The following DNAI4 variants were observed in gnomAD, a reference collection of about 807,000 sequenced individuals.
The protein encoded by DNAI4 is dynein axonemal intermediate chain 4.
A neutral mutation model predicts 105.8 loss-of-function variants in DNAI4; 85 were observed. The observed-to-expected ratio is 0.80, with a 90% CI of 0.67 to 0.96. The LOEUF (loss-of-function observed/expected upper bound fraction) is 0.96. Among genes scored for constraint, DNAI4 ranks in the 40% least tolerant of loss-of-function variants. DNAI4 has a pLI of 0.00. For missense variants in DNAI4, 1,014 were observed against 1,005.6 expected (o/e 1.01, Z -0.11); for synonymous variants, 352 against 331.5 (o/e 1.06, Z -0.67).
chr1:66,885,314 T>C (rs748833339), intron 4 of DNAI4, among the ~76,000 whole-genome samples: 13 of 152,236 alleles, frequency 8.5e-5, no homozygotes, highest in Non-Finnish European at 1.8e-4. Flanking sequence ...TTCTGACCCA[T>C]GTCATTTTTC....
chr1:66,821,702 G>C (rs899364084), intron 16 of DNAI4, among the ~76,000 whole-genome samples: 9 of 151,228 alleles, frequency 6.0e-5, no homozygotes, highest in Non-Finnish European at 1.0e-4. Flanking sequence ...TTAAGTCTTG[G>C]TGTTTTTTCA....
rs1553231245 is a variant in DNAI4 at position 66,909,324 on chromosome 1, T to TCACACA, written c.171-3950_171-3949insTGTGTG. ...CACACACACACACACACACACACAG[T>TCACACA]CTCTCTTGAATAGAGTCTGATCAGG... On this transcript the variant is annotated intron_variant, in intron 1 of 16. Coordinates refer to ENST00000371026, the MANE Select transcript of DNAI4 (RefSeq NM_024763.5). Among the ~76,000 whole-genome samples, 21 of 33,960 alleles carry TCACACA rather than the reference T, an allele frequency of 6.2e-4. No homozygotes were observed. In the East Asian group the frequency reaches 0.022, roughly 35 times the overall value. 22.3% of individuals were successfully genotyped at this position (33,960 alleles called of 152,430 possible).
chr1:66,836,035 A>G (rs1645979357), intron 10 of DNAI4, among the ~76,000 whole-genome samples: 1 of 151,530 alleles, frequency 6.6e-6, no homozygotes, highest in African/African-American at 2.4e-5. Context: ...TCACTCCTGG[A>G]ATCCTAGCTA....
chr1:66,866,554 C>T (rs1490020427), intron 6 of DNAI4, among the ~76,000 whole-genome samples: 2 of 152,122 alleles, frequency 1.3e-5, no homozygotes, highest in Admixed American at 6.5e-5. Flanking sequence ...CTACTATCAC[C>T]TCACTCCTAT....
At chr1:66,869,371 A>G (rs891881712) in intron 6 of DNAI4, among the ~76,000 whole-genome samples, 2 of 151,966 alleles carry the variant, frequency 1.3e-5, no homozygotes, top group African/African-American at 4.8e-5. Context: ...ATTTTCAAAT[A>G]TTTTAGCATA....
intron 2 of DNAI4, chr1:66,904,854 A>C (rs1157817235): frequency 1.6e-5 from 4 of 243,748 alleles, no homozygotes; most frequent in Non-Finnish European, 2.3e-5. Context: ...GTAAGGCAAA[A>C]TAACTGACTT....
At chr1:66,913,515 G>C (rs1264423889) in intron 1 of DNAI4, among the ~76,000 whole-genome samples, 1 of 152,124 alleles carries the variant, frequency 6.6e-6, no homozygotes, top group African/African-American at 2.4e-5. Flanking sequence ...GGTGCCCCTG[G>C]GTACCCTGGG....
chr1:66,880,032 T>G (rs902225503), intron 4 of DNAI4, among the ~76,000 whole-genome samples: 26 of 151,610 alleles, frequency 1.7e-4, no homozygotes, highest in Non-Finnish European at 7.3e-5. Flanking sequence ...TCACAAGGTC[T>G]GATGGTTTTA....
rs1646972287 is a variant in DNAI4 at position 66,876,997 on chromosome 1, G to C, written c.644-2060C>G. 5.3e-5 allele frequency among the ~76,000 whole-genome samples: 8 copies of C among 152,040 alleles called. No homozygotes were observed. In the South Asian group the frequency reaches 1.7e-3, roughly 32 times the overall value. On this transcript the variant is annotated intron_variant, in intron 4 of 16. Transcript: ENST00000371026. ...TGTCAAATGTGAGGGTTTAACAGGG[G>C]ACTTTTATCCATAATGTGATATTTT...
chr1:66,855,013 A>C (rs1443284193), intron 7 of DNAI4, among the ~76,000 whole-genome samples: 1 of 152,146 alleles, frequency 6.6e-6, no homozygotes, highest in Non-Finnish European at 1.5e-5. Context: ...CAATTCCTAA[A>C]GATAGTAAAG....
At chr1:66,849,466 T>A (rs770498255) in intron 7 of DNAI4, among the ~76,000 whole-genome samples, 22 of 152,142 alleles carry the variant, frequency 1.4e-4, no homozygotes, top group Non-Finnish European at 2.9e-4. Flanking sequence ...TTAGAAAAGA[T>A]CCAGACTCTT....
At chr1:66,864,845 A>G (rs960140883) in intron 6 of DNAI4, among the ~76,000 whole-genome samples, 4 of 152,160 alleles carry the variant, frequency 2.6e-5, no homozygotes, top group Non-Finnish European at 5.9e-5. Context: ...TGTCTCAAAA[A>G]AGAGCAAGGT....
intron 15 of DNAI4, among the ~76,000 whole-genome samples, chr1:66,825,166 C>CTT (rs759572433): frequency 0.017 from 1,619 of 95,904 alleles, 15 homozygotes; most frequent in East Asian, 0.02. Flanking sequence ...TAATAACTGT[C>CTT]TTTTTTTTTT....
rs77624617 is a variant in DNAI4, at chr1:66,914,906, G to A, written c.171-9531C>T. On this transcript the variant is annotated intron_variant, in intron 1 of 16. Transcript: ENST00000371026. ...GAAAAGACTAGTCAAATGCTTTTTC[G>A]AGTTTATGTAACTTAAGTAAAATCT... 7.9e-5 allele frequency among the ~76,000 whole-genome samples: 12 copies of A among 152,188 alleles called. No homozygotes were observed. The East Asian group carries it at 1.7e-3, about 22-fold the overall frequency.
intron 7 of DNAI4, among the ~76,000 whole-genome samples, chr1:66,855,351 C>T (rs1369749647): frequency 1.3e-5 from 2 of 152,222 alleles, no homozygotes; most frequent in African/African-American, 4.8e-5. Flanking sequence ...GCATGAAATG[C>T]CTCCTTCTGA....
At chr1:66,852,704 C>A (rs1233092279) in intron 7 of DNAI4, among the ~76,000 whole-genome samples, 1 of 151,874 alleles carries the variant, frequency 6.6e-6, no homozygotes, top group Non-Finnish European at 1.5e-5. Flanking sequence ...TAGAAACAAG[C>A]AGGGTGTTAC....
chr1:66,827,161 G>A lies in DNAI4; in HGVS notation c.2113-115C>T, dbSNP rs1389826861. The stretch of plus-strand genomic sequence containing the variant: ...AGATTTTCACACTATTCATTATTGT[G>A]TGGGCATTATTTTAGTTGAGAATAA... On this transcript the variant is annotated intron_variant, in intron 14 of 16. Transcript: ENST00000371026. The A allele has an allele frequency of 3.5e-6, 3 of 849,636 alleles. No individual in the cohort carries two copies. The Admixed American group carries it at 9.0e-5, about 26-fold the overall frequency. 52.6% of individuals were successfully genotyped at this position (849,636 alleles called of 1,614,324 possible). A position where few individuals can be genotyped will look rare whatever the true frequency, so the allele number is the denominator to read the frequency against.
intron 15 of DNAI4, 62 bp from the exon 16 acceptor site, chr1:66,822,579 C>T: frequency 7.5e-7 from 1 of 1,325,768 alleles, no homozygotes; most frequent in Non-Finnish European, 9.9e-7. Flanking sequence ...TTTAAATAGA[C>T]AAAGAAAAAT....
chr1:66,860,917 C>T (rs1219290518), intron 7 of DNAI4: 1 of 152,136 alleles, frequency 6.6e-6, no homozygotes, highest in Non-Finnish European at 1.5e-5. Context: ...TATTCTTCCC[C>T]TTCATTGTTC....
Sources: allele counts gnomAD v4.1 joint callset (sites outside exome capture counted in the v4.1 genomes callset), GRCh38; gene constraint gnomAD v4.1.1; transcripts MANE v1.5; gene names NCBI Gene and HGNC (gene_info 2026-07-23, HGNC 2026-07-21).